LPP: variants seen among roughly 807,000 people sequenced by gnomAD.
LPP encodes lipoma-preferred partner.
LPP carries 38 observed loss-of-function variants against 60.4 expected under a neutral mutation model. The ratio of observed to expected loss-of-function variants is 0.63; its 90% CI spans 0.49 to 0.83. The LOEUF (loss-of-function observed/expected upper bound fraction) is 0.83, where lower values mean the gene tolerates loss of function less well. Ranked by LOEUF, LPP falls within the 40% of genes least tolerant of loss-of-function variation. LPP has a pLI of 0.00. For synonymous variants in LPP, 328 were observed against 290.8 expected (o/e 1.13, Z -1.30); for missense variants, 902 against 783.6 (o/e 1.15, Z -1.80).
rs1201140269 is a variant in LPP at position 188,805,707 on chromosome 3, T to C, written c.1410+45425T>C. Reference sequence around the variant, plus strand: ...GATTCAGTTGTTGAGTTGAGATCTTTTGTTTTTTTCTAATATGAACATCCA... The same window carrying C: ...GATTCAGTTGTTGAGTTGAGATCTTCTGTTTTTTTCTAATATGAACATCCA... On this transcript the variant is annotated intron_variant, in intron 9 of 11. Coordinates refer to ENST00000617246, the MANE Select transcript of LPP (RefSeq NM_001375462.1). Among the ~76,000 whole-genome samples the C allele has an allele frequency of 2.0e-5, 3 of 151,900 alleles. No homozygotes were observed. In the South Asian group the frequency reaches 6.2e-4, roughly 31 times the overall value.
chr3:188,380,065 T>C (rs1776446998), intron 3 of LPP, among the ~76,000 whole-genome samples: 1 of 152,088 alleles, frequency 6.6e-6, no homozygotes. Context: ...ATGAGAAAAA[T>C]TGATGAAGCT....
At chr3:188,554,187 C>T (rs1828912762) in intron 6 of LPP, 1 of 152,002 alleles carries the variant, frequency 6.6e-6, no homozygotes, top group Non-Finnish European at 1.5e-5. Flanking sequence ...AGAATTTAGC[C>T]TCCTGAAAAC....
chr3:188,567,121 C>T (rs991526565), intron 6 of LPP, among the ~76,000 whole-genome samples: 1 of 151,832 alleles, frequency 6.6e-6, no homozygotes. Flanking sequence ...TTTACTGGTT[C>T]AATTGTATGA....
chr3:188,488,083 C>T lies in LPP; in HGVS notation c.306+3379C>T, dbSNP rs183717312. Reference sequence around the variant, plus strand: ...CAAGAAGGGATGGATCCTCTGGTTTCTGACAGAGGTCTTATTGAATTTGAA... The same window carrying T: ...CAAGAAGGGATGGATCCTCTGGTTTTTGACAGAGGTCTTATTGAATTTGAA... On this transcript the variant is annotated intron_variant, in intron 5 of 11. Coordinates refer to ENST00000617246, the MANE Select transcript of LPP (RefSeq NM_001375462.1). Among the ~76,000 whole-genome samples, 437 of 143,012 alleles carry T rather than the reference C, an allele frequency of 3.1e-3. 2 individuals are homozygous for T. The highest frequency in any genetic ancestry group is 0.011 in the African/African-American group (413 of 38,488). The allele number at this position is 143,012 out of a possible 152,430, so 93.8% of individuals were successfully genotyped here. A position where few individuals can be genotyped will look rare whatever the true frequency, so the allele number is the denominator to read the frequency against.
At chr3:188,517,892 A>G (rs1817835782) in intron 5 of LPP, among the ~76,000 whole-genome samples, 1 of 152,162 alleles carries the variant, frequency 6.6e-6, no homozygotes, top group African/African-American at 2.4e-5. Context: ...TGACCTCCCC[A>G]TGGTACTGGT....
chr3:188,495,451 A>T lies in LPP; in HGVS notation c.306+10747A>T, dbSNP rs567708338. Among the ~76,000 whole-genome samples the T allele has an allele frequency of 4.6e-5, 7 of 152,028 alleles. No homozygotes were observed. The South Asian group carries it at 8.3e-4, about 18-fold the overall frequency. ...TTGAAGGAACTTGTTTAGATCTCAT[A>T]ATTGTCATGAAAGCAGTTACTTATT... is the stretch of plus-strand genomic sequence containing the variant. On this transcript the variant is annotated intron_variant, in intron 5 of 11. Coordinates refer to ENST00000617246, the MANE Select transcript of LPP (RefSeq NM_001375462.1).
intron 7 of LPP, among the ~76,000 whole-genome samples, chr3:188,624,577 T>C (rs1173942355): frequency 6.6e-6 from 1 of 152,204 alleles, no homozygotes; most frequent in East Asian, 1.9e-4. Flanking sequence ...AACCTGATCA[T>C]GTGAAAAGCC....
At chr3:188,358,116 C>A (rs1768138816) in intron 3 of LPP, among the ~76,000 whole-genome samples, 1 of 152,176 alleles carries the variant, frequency 6.6e-6, no homozygotes, top group South Asian at 2.1e-4. Context: ...TGAGCATTAC[C>A]TCACTTATTC....
intron 2 of LPP, among the ~76,000 whole-genome samples, chr3:188,308,390 T>C (rs1268377557): frequency 6.6e-6 from 1 of 152,156 alleles, no homozygotes; most frequent in African/African-American, 2.4e-5. Context: ...AGTGACAATA[T>C]CATAGGGATA....
intron 2 of LPP, among the ~76,000 whole-genome samples, chr3:188,256,670 TA>T: frequency 6.6e-6 from 1 of 152,182 alleles, no homozygotes; most frequent in Non-Finnish European, 1.5e-5. Context: ...ACATCAATGA[TA>T]AATGATTTTT....
intron 2 of LPP, among the ~76,000 whole-genome samples, chr3:188,255,938 A>G (rs984548222): frequency 7.2e-5 from 11 of 152,226 alleles, no homozygotes; most frequent in Non-Finnish European, 1.5e-4. Flanking sequence ...GGTTACCGTC[A>G]TACCGTATCA....
intron 6 of LPP, among the ~76,000 whole-genome samples, chr3:188,580,155 C>A (rs1035211104): frequency 2.0e-5 from 3 of 151,766 alleles, no homozygotes; most frequent in African/African-American, 7.3e-5. Context: ...CCTATTTTAA[C>A]CAGAAAAATA....
intron 9 of LPP, among the ~76,000 whole-genome samples, chr3:188,830,097 T>C (rs375583066): frequency 1.3e-5 from 2 of 151,628 alleles, no homozygotes; most frequent in African/African-American, 4.8e-5. Context: ...TGAAATAAGC[T>C]CTGTGAAAAT....
At chr3:188,678,629 T>TA (rs1195766481) in intron 7 of LPP, among the ~76,000 whole-genome samples, 6 of 152,362 alleles carry the variant, frequency 3.9e-5, no homozygotes, top group African/African-American at 1.4e-4. Flanking sequence ...ACAGCATACT[T>TA]ACATACATAC....
chr3:188,763,873 T>C (rs1015168672), intron 9 of LPP, among the ~76,000 whole-genome samples: 1 of 152,126 alleles, frequency 6.6e-6, no homozygotes, highest in African/African-American at 2.4e-5. Flanking sequence ...CCAAATCAAA[T>C]TTAATCTGGA....
chr3:188,771,877 G>A (rs923377223), intron 9 of LPP, among the ~76,000 whole-genome samples: 6 of 152,162 alleles, frequency 3.9e-5, no homozygotes, highest in Non-Finnish European at 8.8e-5. Context: ...TCTGAGAGAT[G>A]GCAAGTCATG....
At chr3:188,474,378 A>G (rs1802613493) in intron 4 of LPP, among the ~76,000 whole-genome samples, 1 of 152,002 alleles carries the variant, frequency 6.6e-6, no homozygotes. Context: ...TATCATTGAC[A>G]TGTCATTGAC....
At chr3:188,541,447 A>T (rs1825148615) in intron 6 of LPP, among the ~76,000 whole-genome samples, 1 of 152,144 alleles carries the variant, frequency 6.6e-6, no homozygotes, top group African/African-American at 2.4e-5. Context: ...TAGTGTCAAA[A>T]GTGGATGCTA....
At chr3:188,869,408 A>G (rs1011114045) in intron 10 of LPP, among the ~76,000 whole-genome samples, 3 of 152,160 alleles carry the variant, frequency 2.0e-5, no homozygotes, top group Admixed American at 6.5e-5. Context: ...CTCCTGCCTC[A>G]GCCTCCCAAG....
Sources: gnomAD v4.1 joint callset for allele counts (sites outside exome capture counted in the v4.1 genomes callset) on GRCh38, gnomAD v4.1.1 for gene constraint, MANE v1.5 for transcripts, NCBI Gene and HGNC (gene_info 2026-07-23, HGNC 2026-07-21) for gene names.